The following DNAJC1 variants were observed in gnomAD, a reference collection of about 807,000 sequenced individuals.
DNAJC1 encodes dnaJ homolog subfamily C member 1.
Under a neutral mutation model 76.6 loss-of-function variants are expected in DNAJC1, and 58 were observed. The observed-to-expected ratio is 0.76, with a 90% CI of 0.61 to 0.94. The LOEUF is 0.94. Ranked by LOEUF, DNAJC1 falls within the 40% of genes least tolerant of loss-of-function variation. DNAJC1 has a pLI of 0.00. For synonymous variants in DNAJC1, 258 were observed against 267.9 expected (o/e 0.96, Z 0.36); for missense variants, 689 against 677.3 (o/e 1.02, Z -0.19).
At chr10:21,875,467 A>G (rs1024917491) in intron 8 of DNAJC1, among the ~76,000 whole-genome samples, 1 of 152,238 alleles carries the variant, frequency 6.6e-6, no homozygotes, top group African/African-American at 2.4e-5. Flanking sequence ...CAAGTTAAAT[A>G]AACAATTTCA....
intron 8 of DNAJC1, among the ~76,000 whole-genome samples, chr10:21,807,292 G>C (rs1834894424): frequency 6.6e-6 from 1 of 152,006 alleles, no homozygotes; most frequent in African/African-American, 2.4e-5. Context: ...GTGACCCCAG[G>C]GACTATCTCC....
At chr10:21,995,225 A>G (rs1375140205) in intron 1 of DNAJC1, among the ~76,000 whole-genome samples, 1 of 152,158 alleles carries the variant, frequency 6.6e-6, no homozygotes, top group African/African-American at 2.4e-5. Flanking sequence ...GACTAGAAAT[A>G]AGAAGTTTCT....
At chr10:21,989,149 G>A (rs980267183) in intron 1 of DNAJC1, among the ~76,000 whole-genome samples, 4 of 152,116 alleles carry the variant, frequency 2.6e-5, no homozygotes, top group African/African-American at 9.7e-5. Context: ...TTAAATTACT[G>A]TGAATAAACA....
At chr10:21,864,283 G>A (rs1209251888) in intron 8 of DNAJC1, among the ~76,000 whole-genome samples, 1 of 152,006 alleles carries the variant, frequency 6.6e-6, no homozygotes. Context: ...TTGCAAAAAA[G>A]ATAACTTTAA....
intron 10 of DNAJC1, among the ~76,000 whole-genome samples, chr10:21,762,127 C>T (rs1415377455): frequency 6.6e-6 from 1 of 152,034 alleles, no homozygotes; most frequent in Non-Finnish European, 1.5e-5. Flanking sequence ...ATAGAACAGA[C>T]GAGGTTTCAC....
chr10:21,764,550 C>T (rs1013116712), intron 10 of DNAJC1, among the ~76,000 whole-genome samples: 2 of 152,284 alleles, frequency 1.3e-5, no homozygotes, highest in Middle Eastern at 6.8e-3. Context: ...GTTTTCTAAA[C>T]CATCCATTTC....
intron 9 of DNAJC1, among the ~76,000 whole-genome samples, chr10:21,778,523 A>C (rs1834481800): frequency 6.6e-6 from 1 of 152,216 alleles, no homozygotes; most frequent in African/African-American, 2.4e-5. Context: ...TATCCATTTC[A>C]AGGGGCTTAC....
At chr10:21,839,474 T>G (rs1433077588) in intron 8 of DNAJC1, among the ~76,000 whole-genome samples, 1 of 152,106 alleles carries the variant, frequency 6.6e-6, no homozygotes, top group East Asian at 1.9e-4. Context: ...TATAAACACC[T>G]CTACGCAAAT....
At chr10:21,940,590 A>G (rs1393288543) in intron 1 of DNAJC1, among the ~76,000 whole-genome samples, 1 of 152,200 alleles carries the variant, frequency 6.6e-6, no homozygotes, top group African/African-American at 2.4e-5. Flanking sequence ...TTAGGAATAC[A>G]TTATGTCCCC....
intron 10 of DNAJC1, among the ~76,000 whole-genome samples, chr10:21,760,708 C>T (rs1404359272): frequency 6.6e-6 from 1 of 152,192 alleles, no homozygotes; most frequent in Non-Finnish European, 1.5e-5. Flanking sequence ...TAAATAGCTA[C>T]ATGTGGCAAG....
intron 8 of DNAJC1, among the ~76,000 whole-genome samples, chr10:21,838,149 C>A (rs1835503484): frequency 6.6e-6 from 1 of 152,050 alleles, no homozygotes; most frequent in South Asian, 2.1e-4. Flanking sequence ...TGAGAACGGG[C>A]CAAGATGACG....
At chr10:21,809,078 T>A (rs1834924954) in intron 8 of DNAJC1, among the ~76,000 whole-genome samples, 1 of 152,204 alleles carries the variant, frequency 6.6e-6, no homozygotes, top group Non-Finnish European at 1.5e-5. Context: ...ATTTTTGCCA[T>A]AAAACCCACT....
At chr10:21,966,538 TAGG>T (rs2131823619) in intron 1 of DNAJC1, among the ~76,000 whole-genome samples, 1 of 152,192 alleles carries the variant, frequency 6.6e-6, no homozygotes, top group South Asian at 2.1e-4. Context: ...TTTATTTATG[TAGG>T]TATAAATTCA....
At chr10:21,952,220 T>C (rs1219918996) in intron 1 of DNAJC1, among the ~76,000 whole-genome samples, 1 of 152,234 alleles carries the variant, frequency 6.6e-6, no homozygotes, top group Non-Finnish European at 1.5e-5. Flanking sequence ...CCCCAAAAAC[T>C]ACTTTTCATG....
At chr10:21,910,496 T>C (rs1449589744) in intron 6 of DNAJC1, among the ~76,000 whole-genome samples, 1 of 151,982 alleles carries the variant, frequency 6.6e-6, no homozygotes, top group Non-Finnish European at 1.5e-5. Context: ...CTTTTATCTC[T>C]CCATATAAAC....
intron 1 of DNAJC1, among the ~76,000 whole-genome samples, chr10:21,958,232 GT>G (rs553677008): frequency 3.3e-5 from 5 of 151,720 alleles, no homozygotes; most frequent in African/African-American, 9.7e-5. Context: ...AGAAATGAAG[GT>G]TTTTTTCTTT....
At chr10:21,760,158 C>G (rs1468029788) in intron 10 of DNAJC1, among the ~76,000 whole-genome samples, 1 of 152,126 alleles carries the variant, frequency 6.6e-6, no homozygotes, top group Non-Finnish European at 1.5e-5. Context: ...TGGTATACAC[C>G]TGTATTCCTA....
intron 8 of DNAJC1, among the ~76,000 whole-genome samples, chr10:21,828,891 T>C (rs1288959680): frequency 3.3e-5 from 5 of 152,222 alleles, no homozygotes; most frequent in Non-Finnish European, 7.3e-5. Flanking sequence ...TCTATATATA[T>C]CAGAATAATC....
chr10:21,826,178 C>T (rs1033891679), intron 8 of DNAJC1, among the ~76,000 whole-genome samples: 24 of 132,260 alleles, frequency 1.8e-4, no homozygotes, highest in African/African-American at 7.2e-4. Context: ...GCAGAGGTTT[C>T]AGTGAGCTGA....
Sources: allele counts gnomAD v4.1 joint callset (sites outside exome capture counted in the v4.1 genomes callset), GRCh38; gene constraint gnomAD v4.1.1; transcripts MANE v1.5; gene names NCBI Gene and HGNC (gene_info 2026-07-23, HGNC 2026-07-21).